THSD4: variants seen among roughly 807,000 people sequenced by gnomAD.
The protein encoded by THSD4 is thrombospondin type-1 domain-containing protein 4.
THSD4 carries 69 observed loss-of-function variants against 119.0 expected under a neutral mutation model. The observed-to-expected ratio is 0.58, with a 90% CI of 0.48 to 0.71. THSD4 has a LOEUF of 0.71. Among genes scored for constraint, THSD4 ranks in the 30% least tolerant of loss-of-function variants. The probability of loss-of-function intolerance (pLI) is 0.00; values close to 1 mark genes in which losing one functional copy is unlikely to be tolerated. For missense variants in THSD4, 1,393 were observed against 1,391.1 expected, an observed-to-expected ratio of 1.00 and a Z score of -0.02; for synonymous variants, 524 against 540.4, an observed-to-expected ratio of 0.97 and a Z score of 0.42.
intron 6 of THSD4, among the ~76,000 whole-genome samples, chr15:71,333,756 G>A (rs116199656): frequency 0.013 from 2,050 of 152,270 alleles, 51 homozygotes; most frequent in African/African-American, 0.047. Flanking sequence ...GGCAGCGTCT[G>A]CATCAAACAC....
At chr15:71,358,888 G>A (rs1440525902) in intron 6 of THSD4, among the ~76,000 whole-genome samples, 1 of 152,138 alleles carries the variant, frequency 6.6e-6, no homozygotes, top group African/African-American at 2.4e-5. Flanking sequence ...AAGACACTCA[G>A]CTTAGGGCCT....
intron 8 of THSD4, among the ~76,000 whole-genome samples, chr15:71,703,810 A>G (rs1363711899): frequency 1.3e-5 from 2 of 152,184 alleles, no homozygotes; most frequent in Non-Finnish European, 2.9e-5. Flanking sequence ...ATTTTAGCCA[A>G]TATTTAATGA....
At chr15:71,297,315 C>CTTTTTTTTTTTTTTTTTTTTTTT (rs772196153) in intron 6 of THSD4, among the ~76,000 whole-genome samples, 2 of 137,660 alleles carry the variant, frequency 1.5e-5, no homozygotes, top group African/African-American at 2.7e-5. Flanking sequence ...CTCTCCTCTT[C>CTTTTTTTTTTTTTTTTTTTTTTT]TTTTTTTTGT....
chr15:71,198,949 C>T (rs2043743985), intron 3 of THSD4, among the ~76,000 whole-genome samples: 1 of 152,250 alleles, frequency 6.6e-6, no homozygotes, highest in African/African-American at 2.4e-5. Flanking sequence ...TCATTAATAG[C>T]AAGTTTAGTC....
intron 6 of THSD4, among the ~76,000 whole-genome samples, chr15:71,282,990 G>A (rs1226201262): frequency 7.6e-6 from 1 of 130,884 alleles, no homozygotes. Context: ...TTTTTTTTGA[G>A]ACGGAGTTTT....
At chr15:71,697,956 G>C (rs535507503) in intron 8 of THSD4, among the ~76,000 whole-genome samples, 77 of 151,684 alleles carry the variant, frequency 5.1e-4, no homozygotes, top group Non-Finnish European at 9.1e-4. Flanking sequence ...GATGAAATAT[G>C]GCACAGAACC....
chr15:71,265,707 T>A (rs1177510765), intron 6 of THSD4, among the ~76,000 whole-genome samples: 1 of 152,184 alleles, frequency 6.6e-6, no homozygotes, highest in African/African-American at 2.4e-5. Context: ...ATCCACTGGC[T>A]TGAAATTCTC....
intron 4 of THSD4, among the ~76,000 whole-genome samples, chr15:71,237,030 A>C (rs186797311): frequency 6.6e-6 from 1 of 152,280 alleles, no homozygotes; most frequent in Non-Finnish European, 1.5e-5. Flanking sequence ...ATGGAGAATA[A>C]AGTCCCTTGG....
chr15:71,687,910 C>T (rs1459228201), intron 8 of THSD4, among the ~76,000 whole-genome samples: 1 of 152,136 alleles, frequency 6.6e-6, no homozygotes, highest in East Asian at 1.9e-4. Flanking sequence ...CTCATTTATT[C>T]ATTCATTCAC....
chr15:71,770,697 T>C (rs965455440), intron 16 of THSD4, among the ~76,000 whole-genome samples: 3 of 152,270 alleles, frequency 2.0e-5, no homozygotes, highest in Middle Eastern at 3.4e-3. Context: ...TAAGTGGAAG[T>C]AGGAACACTG....
intron 7 of THSD4, among the ~76,000 whole-genome samples, chr15:71,414,070 C>T (rs1376190033): frequency 3.3e-5 from 5 of 152,216 alleles, no homozygotes; most frequent in South Asian, 2.1e-4. Flanking sequence ...CCTCCGAAGT[C>T]GGATTGCCTG....
At chr15:71,194,978 G>C (rs1182025605) in intron 3 of THSD4, among the ~76,000 whole-genome samples, 1 of 152,068 alleles carries the variant, frequency 6.6e-6, no homozygotes, top group Non-Finnish European at 1.5e-5. Context: ...AGCCCAGCAC[G>C]GGGCTGGGAC....
At chr15:71,724,287 A>T (rs76981974) in intron 8 of THSD4, among the ~76,000 whole-genome samples, 3,224 of 37,216 alleles carry the variant, frequency 0.087, 312 homozygotes, top group African/African-American at 0.12. Flanking sequence ...ATATATATAT[A>T]TTTTTTTTTT....
rs372938787 is a variant in THSD4, at chr15:71,642,478, C to T, written c.1153-18052C>T. ...TATACCCAAAGGACTATAAATCATGCTGCTATAAAGACACATGCACACGTA... is the reference window on the plus strand; with the variant it reads ...TATACCCAAAGGACTATAAATCATGTTGCTATAAAGACACATGCACACGTA... On this transcript the variant is annotated intron_variant, in intron 7 of 17. Coordinates refer to ENST00000261862, the MANE Select transcript of THSD4 (RefSeq NM_024817.3). Among the ~76,000 whole-genome samples the T allele has an allele frequency of 3.9e-4, 59 of 152,200 alleles. No individual in the cohort carries two copies. The East Asian group carries it at 0.011, about 28-fold the overall frequency.
chr15:71,560,795 T>C (rs1390539387), intron 7 of THSD4, among the ~76,000 whole-genome samples: 1 of 152,120 alleles, frequency 6.6e-6, no homozygotes, highest in African/African-American at 2.4e-5. Context: ...ATTATCTGAA[T>C]GTAGGAGTGA....
In THSD4 at chr15:71,115,905, C is replaced by T. The variant is rs1286249392; in HGVS notation, c.-80+207C>T. ...GCCTGGTCCGTGCGGACGGCTGCGC[C>T]TCCTTCTCTGGTTCTCTTCCTTGCT... is the stretch of plus-strand genomic sequence containing the variant. On this transcript the variant is annotated intron_variant, in intron 1 of 17. Coordinates refer to ENST00000261862, the MANE Select transcript of THSD4 (RefSeq NM_024817.3). This position sits in a 1 kb window ranked among gnomAD's most constrained non-coding sequence, Gnocchi z 4.4. 6.6e-6 allele frequency among the ~76,000 whole-genome samples: 1 copy of T among 152,084 alleles called. No individual in the cohort carries two copies. Among genetic ancestry groups the T allele is most frequent in the Admixed American group, 6.5e-5 (1 of 15,278 alleles).
chr15:71,111,153 A>G (rs200949250), upstream of THSD4: 141 of 1,608,336 alleles, frequency 8.8e-5, no homozygotes, highest in African/African-American at 1.6e-3. Context: ...GAACCTTCCT[A>G]TCTCCTCTGA....
chr15:71,319,909 T>C (rs1031409163), intron 6 of THSD4, among the ~76,000 whole-genome samples: 4 of 152,146 alleles, frequency 2.6e-5, no homozygotes. Flanking sequence ...ATTACAGGAG[T>C]TCTCAGAGCT....
intron 3 of THSD4, among the ~76,000 whole-genome samples, chr15:71,200,001 T>C (rs904731061): frequency 7.5e-5 from 10 of 134,032 alleles, no homozygotes; most frequent in Admixed American, 7.0e-4. Context: ...TTGAGAACTG[T>C]TGTTCTAGAA....
Sources: allele counts gnomAD v4.1 joint callset (sites outside exome capture counted in the v4.1 genomes callset), GRCh38; gene constraint gnomAD v4.1.1; non-coding constraint Gnocchi (gnomAD v3.1); transcripts MANE v1.5; gene names NCBI Gene and HGNC (gene_info 2026-07-23, HGNC 2026-07-21).